MYL2: variants seen among roughly 807,000 people sequenced by gnomAD.
MYL2 encodes myosin light chain 2, also known as myosin regulatory light chain 2, ventricular/cardiac muscle isoform.
MYL2 carries 19 observed loss-of-function variants against 23.0 expected under a neutral mutation model. The observed-to-expected ratio is 0.83, with a 90% confidence interval of 0.58 to 1.21. MYL2 has a LOEUF of 1.21. MYL2 is among the 50% of genes most tolerant of loss of function. The pLI is 0.00. For missense variants in MYL2, 180 were observed against 215.1 expected (o/e 0.84, Z 1.02); for synonymous variants, 78 against 76.2 (o/e 1.02, Z -0.13).
upstream of MYL2, chr12:110,920,588 G>A: frequency 1.2e-6 from 2 of 1,613,466 alleles, no homozygotes; most frequent in South Asian, 2.2e-5. Context: ...CCAGCTCTCT[G>A]CAGCCCAGGA....
chr12:110,913,471 CACTGAGCCTCTGTATTTCGAAG>C, intron 4 of MYL2, 147 bp from the exon 5 acceptor site: 1 of 783,732 alleles, frequency 1.3e-6, no homozygotes, highest in South Asian at 1.5e-5. Flanking sequence ...TTCGTCTGAT[CACTGAGCCTCTGTATTTCGAAG>C]AGAGGGCTGA....
chr12:110,910,936 G>T lies in MYL2; in HGVS notation c.*141C>A. 7.5e-6 allele frequency: 6 copies of T among 795,210 alleles called. No individual in the cohort carries two copies. Among genetic ancestry groups the T allele is most frequent in the South Asian group, 5.7e-5 (4 of 70,758 alleles). The allele number at this position is 795,210 out of a possible 1,614,324, so 49.3% of individuals were successfully genotyped here. ...CGAAGTACCCATAGCCACCCAGGCT[G>T]CAAAGAAGATGGAGGTGGATAAATG... On this transcript the variant is annotated 3_prime_UTR_variant, in exon 7 of 7. Coordinates refer to ENST00000228841, the MANE Select transcript of MYL2 (RefSeq NM_000432.4).
chr12:110,911,960 C>A (rs968000351), intron 6 of MYL2, among the ~76,000 whole-genome samples: 1 of 152,234 alleles, frequency 6.6e-6, no homozygotes, highest in Non-Finnish European at 1.5e-5. Context: ...TCCTCGCAAT[C>A]TCCTATGAGG....
chr12:110,917,804 C>A (rs1288981780), intron 2 of MYL2, among the ~76,000 whole-genome samples: 2 of 152,126 alleles, frequency 1.3e-5, no homozygotes, highest in Admixed American at 1.3e-4. Flanking sequence ...CACACTAGGG[C>A]AGGGTGTAGT....
intron 1 of MYL2, among the ~76,000 whole-genome samples, chr12:110,919,667 C>T (rs17550549): frequency 0.059 from 9,014 of 152,146 alleles, 394 homozygotes; most frequent in East Asian, 0.21. Context: ...CCAACTGCGC[C>T]CCACACCCCA....
chr12:110,912,299 A>G (rs74490330), intron 6 of MYL2, among the ~76,000 whole-genome samples: 1 of 143,470 alleles, frequency 7.0e-6, no homozygotes, highest in Non-Finnish European at 1.5e-5. Context: ...ACCTGAGTTG[A>G]AAAAAAAAAA....
chr12:110,920,688 C>G (rs544647435), upstream of MYL2: 1 of 1,007,948 alleles, frequency 9.9e-7, no homozygotes, highest in South Asian at 1.3e-5. Flanking sequence ...AAGGCCCCCC[C>G]ACCCCATGCC....
chr12:110,914,214 G>C lies in MYL2; in HGVS notation c.246C>G (p.Phe82Leu). The C allele has an allele frequency of 6.2e-7, 1 of 1,613,738 alleles. No homozygotes were observed. Among genetic ancestry groups the C allele is most frequent in the Non-Finnish European group, 8.5e-7 (1 of 1,179,850 alleles). ...EAPGPINFTV[F>L]LTMFGEKLKG... ...TAAGTTTCTCCCCAAACATTGTGAG[G>C]AACACAGTAAAGTTAATTGGACCCG... is the stretch of plus-strand genomic sequence containing the variant. Residue 82 changes from phenylalanine (F) to leucine (L), a missense_variant, in exon 4 of 7, where the codon TTC (phenylalanine) becomes TTG (leucine). Transcript: ENST00000228841.
At chr12:110,919,325 C>T in intron 1 of MYL2, 132 bp from the exon 2 acceptor site, 8 of 706,008 alleles carry the variant, frequency 1.1e-5, no homozygotes, top group South Asian at 9.0e-5. Flanking sequence ...GGTACAGCAT[C>T]CACACTCAGG....
Position 110,913,111 on chromosome 12 carries a change from C to T in MYL2, c.387G>A (p.Arg129=), listed in dbSNP as rs774686046. ...VREMLTTQAE[R]FSKEEVDQMF... is the part of the protein sequence containing the mutation. Reference sequence around the variant, plus strand: ...ACCCCATTACCTCCTCCTTGGAAAACCTCTCCGCCTGCGTGGTCAGCATTT... The same window carrying T: ...ACCCCATTACCTCCTCCTTGGAAAATCTCTCCGCCTGCGTGGTCAGCATTT... Residue 129 remains arginine, a synonymous_variant, in exon 6 of 7, where the codon AGG becomes AGA. Transcript: ENST00000228841. 11 of 1,614,084 alleles carry T rather than the reference C, an allele frequency of 6.8e-6. No individual in the cohort carries two copies. The highest frequency in any genetic ancestry group is 6.8e-6 in the Non-Finnish European group (8 of 1,180,046).
chr12:110,917,853 G>A (rs915959791), intron 2 of MYL2, among the ~76,000 whole-genome samples: 1 of 152,170 alleles, frequency 6.6e-6, no homozygotes, highest in Non-Finnish European at 1.5e-5. Context: ...GGAGGTCAAG[G>A]CAGGAGAATT....
rs1162784681 is a variant in MYL2, at chr12:110,912,965, G to C, written c.402+131C>G. ...GTGGCAGAGAATGAAATGAGGCCAG[G>C]CCTCAGAAGACGATAGCTGGTTCTC... On this transcript the variant is annotated intron_variant, in intron 6 of 6. Transcript: ENST00000228841. The C allele has an allele frequency of 7.7e-6, 8 of 1,035,520 alleles. No individual in the cohort carries two copies. In the African/African-American group the frequency reaches 1.3e-4, roughly 16 times the overall value. 64.1% of individuals were successfully genotyped at this position (1,035,520 alleles called of 1,614,324 possible). A position where few individuals can be genotyped will look rare whatever the true frequency, so the allele number is the denominator to read the frequency against.
intron 6 of MYL2, among the ~76,000 whole-genome samples, chr12:110,912,253 CA>C (rs1186665829): frequency 6.6e-6 from 1 of 151,566 alleles, no homozygotes; most frequent in Non-Finnish European, 1.5e-5. Flanking sequence ...GGCAAATTAG[CA>C]AAAGTGCCCC....
rs200763840 is a variant in MYL2, at chr12:110,918,917, TAATC to T, written c.93+183_93+186del. On this transcript the variant is annotated intron_variant, in intron 2 of 6. Coordinates refer to ENST00000228841, the MANE Select transcript of MYL2 (RefSeq NM_000432.4). The surrounding 1 kb of genome is among the most constrained non-coding windows in gnomAD (Gnocchi z 4.4). The stretch of plus-strand genomic sequence containing the variant: ...CAACATGGAATATGTTTTACTTTGA[TAATC>T]AGTGAAAATATTAAAAATAGTTTCT... The T allele has an allele frequency of 0.017, 10,429 of 610,038 alleles. 813 individuals are homozygous for T. The African/African-American group carries it at 0.17, about 10-fold the overall frequency. 37.8% of individuals were successfully genotyped at this position (610,038 alleles called of 1,614,324 possible).
Position 110,913,095 on chromosome 12 carries a change from C to T in MYL2, c.402+1G>A. The T allele has an allele frequency of 6.2e-7, 1 of 1,614,178 alleles. No homozygotes were observed. Among genetic ancestry groups the T allele is most frequent in the Middle Eastern group, 1.6e-4 (1 of 6,062 alleles). ...AGGGAGTGCTTGAAGGACCCCATTA[C>T]CTCCTCCTTGGAAAACCTCTCCGCC... On this transcript the variant is annotated splice_donor_variant, in intron 6 of 6. Transcript: ENST00000228841. LOFTEE classifies it high-confidence loss of function.
In MYL2 at chr12:110,913,143, C is replaced by T. The variant is rs730880940; in HGVS notation, c.355G>A (p.Val119Ile). The T allele has an allele frequency of 3.0e-5, 48 of 1,614,084 alleles. No homozygotes were observed. The Middle Eastern group carries it at 6.6e-4, about 22-fold the overall frequency. ...GCCTGCGTGGTCAGCATTTCCCGAA[C>T]GCTGCAGAGAAAGGAAAGCAGGTGT... is the stretch of plus-strand genomic sequence containing the variant. ...EGKGVLKADYVREMLTTQAER... is the reference protein window; with the variant it reads ...EGKGVLKADYIREMLTTQAER... Residue 119 changes from valine (V) to isoleucine (I), a missense_variant and splice_region_variant, in exon 6 of 7, where the codon GTT (valine) becomes ATT (isoleucine). By Grantham distance (29) the Val-to-Ile change is conservative (BLOSUM62 3). Transcript: ENST00000228841.
At chr12:110,913,371 C>G in intron 4 of MYL2, 47 bp from the exon 5 acceptor site, 1 of 1,605,236 alleles carries the variant, frequency 6.2e-7, no homozygotes, top group Non-Finnish European at 8.5e-7. Flanking sequence ...GGCTGGGAAC[C>G]ACTGGCACCC....
chr12:110,914,050 G>A lies in MYL2; in HGVS notation c.274+136C>T, dbSNP rs181087689. ...GGGGATTACAGGCATCAGCCACTGC[G>A]CCCAGCCAAGTTGCTGTTTTCATTA... On this transcript the variant is annotated intron_variant, in intron 4 of 6. Transcript: ENST00000228841. 6.8e-3 allele frequency: 5,053 copies of A among 740,540 alleles called. 212 individuals are homozygous for A. The Admixed American group carries it at 0.078, about 11-fold the overall frequency. The allele number at this position is 740,540 out of a possible 1,614,324, so 45.9% of individuals were successfully genotyped here.
intron 4 of MYL2, among the ~76,000 whole-genome samples, chr12:110,913,526 T>A (rs1352712316): frequency 6.6e-6 from 1 of 152,230 alleles, no homozygotes; most frequent in Non-Finnish European, 1.5e-5. Context: ...AAACATCATC[T>A]AGATTTGAAA....
Sources: allele counts gnomAD v4.1 joint callset (sites outside exome capture counted in the v4.1 genomes callset), GRCh38; gene constraint gnomAD v4.1.1; non-coding constraint Gnocchi (gnomAD v3.1); transcripts MANE v1.5; gene names NCBI Gene and HGNC (gene_info 2026-07-23, HGNC 2026-07-21).